The following DST variants were observed in gnomAD, a reference collection of about 807,000 sequenced individuals.
DST encodes bullous pemphigoid antigen.
In DST, 253 loss-of-function variants were observed where a neutral mutation model predicts 875.2. That is an observed-to-expected ratio of 0.29 (90% CI 0.26 to 0.32). DST has a LOEUF of 0.32. Ranked by LOEUF, DST falls within the 10% of genes least tolerant of loss-of-function variation. DST has a pLI of 1.00. For synonymous variants in DST, 3,124 were observed against 3,197.1 expected (o/e 0.98, Z 0.77); for missense variants, 8,287 against 9,111.6 (o/e 0.91, Z 3.68).
intron 4 of DST, among the ~76,000 whole-genome samples, chr6:56,740,194 T>G (rs1019260955): frequency 2.0e-5 from 3 of 152,032 alleles, no homozygotes; most frequent in Non-Finnish European, 4.4e-5. Context: ...TTGCTTTCAC[T>G]TTATTCTGTG....
chr6:56,590,276 TA>T (rs1211717719), intron 49 of DST, among the ~76,000 whole-genome samples: 1 of 152,146 alleles, frequency 6.6e-6, no homozygotes, highest in Non-Finnish European at 1.5e-5. Context: ...TCTGTTTAAT[TA>T]AAAAACCATC....
intron 4 of DST, among the ~76,000 whole-genome samples, chr6:56,787,704 G>C (rs2099707883): frequency 6.6e-6 from 1 of 152,100 alleles, no homozygotes; most frequent in Admixed American, 6.6e-5. Context: ...GCCAAACTTT[G>C]TTTTAAAACA....
intron 87 of DST, among the ~76,000 whole-genome samples, chr6:56,485,971 T>C: frequency 6.6e-6 from 1 of 152,110 alleles, no homozygotes. Context: ...GATCCGTTTG[T>C]CAGGACTTTA....
At chr6:56,779,433 G>C (rs1331877265) in intron 4 of DST, among the ~76,000 whole-genome samples, 1 of 151,954 alleles carries the variant, frequency 6.6e-6, no homozygotes, top group Non-Finnish European at 1.5e-5. Context: ...CATTGCTTTT[G>C]GTGTTTTAGA....
At chr6:56,463,895 T>C (rs776061176) in intron 100 of DST, 131 bp from the exon 101 acceptor site, 2 of 952,248 alleles carry the variant, frequency 2.1e-6, no homozygotes, top group South Asian at 1.3e-5. Context: ...CTTTTTGCCA[T>C]GCCAACTCCA....
chr6:56,825,996 T>C (rs1408813302), intron 4 of DST, among the ~76,000 whole-genome samples: 2 of 152,206 alleles, frequency 1.3e-5, no homozygotes, highest in Admixed American at 6.5e-5. Context: ...ATTAAATAAA[T>C]GAATGAAAAA....
At chr6:56,473,841 T>C (rs758339852) in intron 93 of DST, 32 bp downstream of exon 93, 1 of 1,568,820 alleles carries the variant, frequency 6.4e-7, no homozygotes, top group East Asian at 2.3e-5. Flanking sequence ...CCCTTATTTA[T>C]TGACATTTTA....
chr6:56,461,032 T>A (rs2094303568), intron 102 of DST: 2 of 152,086 alleles, frequency 1.3e-5, no homozygotes, highest in South Asian at 4.1e-4. Flanking sequence ...TAAACAAGTA[T>A]CTTGAGGAAC....
intron 61 of DST, among the ~76,000 whole-genome samples, chr6:56,546,083 A>T (rs191633838): frequency 4.2e-4 from 64 of 152,144 alleles, no homozygotes; most frequent in Non-Finnish European, 7.9e-4. Flanking sequence ...TTTAGAAGAA[A>T]GTAGAATATT....
Position 56,604,804 on chromosome 6 carries a change from A to G in DST, c.9824T>C (p.Leu3275Ser), listed in dbSNP as rs200867945. The change falls in exon 40 of 104, where the codon TTA becomes TCA. Residue 3275 changes from leucine to serine, a missense_variant. This residue lies in a region of DST where 3,138 missense variants were observed against 3,116.6 expected (regional missense o/e 1.01). Coordinates refer to ENST00000680361, the MANE Select transcript of DST (RefSeq NM_001374736.1). ...AACATCTTCTACATGTTTACGAGAT[A>G]ATATTGAAAGTGTGGCTTCAATACT... ...PESIEATLSI[L>S]SRKHVEDVGK... The G allele has an allele frequency of 6.5e-4, 1,049 of 1,612,944 alleles. 3 individuals carry two copies. Among genetic ancestry groups the G allele is most frequent in the Non-Finnish European group, 8.1e-4 (951 of 1,179,296 alleles).
chr6:56,593,430 T>C (rs938689331), intron 48 of DST, among the ~76,000 whole-genome samples: 21 of 147,836 alleles, frequency 1.4e-4, no homozygotes, highest in Admixed American at 1.3e-3. Context: ...GGCAGGAGAA[T>C]TGCTTGAACC....
chr6:56,460,357 C>T, intron 102 of DST, 103 bp from the exon 103 acceptor site: 4 of 1,264,606 alleles, frequency 3.2e-6, no homozygotes, highest in Non-Finnish European at 4.4e-6. Flanking sequence ...TCTACTATTC[C>T]TCTTTAGGAG....
chr6:56,540,539 T>C (rs1490563217), intron 61 of DST: 1 of 152,644 alleles, frequency 6.6e-6, no homozygotes, highest in Non-Finnish European at 1.5e-5. Context: ...CTCCCCTAGA[T>C]CTGTGTGAGA....
intron 4 of DST, among the ~76,000 whole-genome samples, chr6:56,814,426 G>A (rs374297642): frequency 1.2e-4 from 19 of 152,276 alleles, no homozygotes; most frequent in African/African-American, 2.2e-4. Flanking sequence ...TGGGGATGTC[G>A]CTGCATTAAA....
intron 5 of DST, among the ~76,000 whole-genome samples, chr6:56,731,308 A>C (rs1208339023): frequency 6.6e-6 from 1 of 152,206 alleles, no homozygotes. Flanking sequence ...CCCAGACTGG[A>C]CTCAAGAGAC....
rs116013146 is a variant in DST, at chr6:56,643,582, C to G, written c.1779-1079G>C. Reference sequence around the variant, plus strand: ...TTTCCCATTTGTTTTTCATACACTTCCATGCCACATAGCTATTACTCGCAA... The same window carrying G: ...TTTCCCATTTGTTTTTCATACACTTGCATGCCACATAGCTATTACTCGCAA... On this transcript the variant is annotated intron_variant, in intron 15 of 103. Coordinates refer to ENST00000680361, the MANE Select transcript of DST (RefSeq NM_001374736.1). Among the ~76,000 whole-genome samples, 1,268 of 152,286 alleles carry G rather than the reference C, an allele frequency of 8.3e-3. 14 individuals are homozygous for G. Among genetic ancestry groups the G allele is most frequent in the African/African-American group, 0.028 (1,172 of 41,562 alleles).
At chr6:56,613,879 G>T (rs2098580653) in intron 37 of DST, among the ~76,000 whole-genome samples, 1 of 152,126 alleles carries the variant, frequency 6.6e-6, no homozygotes, top group South Asian at 2.1e-4. Flanking sequence ...AGATAGAAAA[G>T]ACCCAGAAAA....
intron 59 of DST, among the ~76,000 whole-genome samples, chr6:56,556,059 C>CT (rs1375061169): frequency 6.6e-6 from 1 of 152,054 alleles, no homozygotes; most frequent in African/African-American, 2.4e-5. Context: ...TCCCATCCCC[C>CT]TAAAGGAAAA....
At chr6:56,625,646 T>C (rs1276146545) in intron 34 of DST, among the ~76,000 whole-genome samples, 1 of 152,010 alleles carries the variant, frequency 6.6e-6, no homozygotes, top group African/African-American at 2.4e-5. Context: ...GTTCAGTATG[T>C]AATACTTGGT....
Sources: gnomAD v4.1 joint callset for allele counts (sites outside exome capture counted in the v4.1 genomes callset) on GRCh38, gnomAD v4.1.1 for gene constraint, gnomAD v4.1.1 regional missense constraint, MANE v1.5 for transcripts, NCBI Gene and HGNC (gene_info 2026-07-23, HGNC 2026-07-21) for gene names.